CNDP1: variants seen among roughly 807,000 people sequenced by gnomAD.
CNDP1 encodes carnosine dipeptidase 1.
In CNDP1, 44 loss-of-function variants were observed where a neutral mutation model predicts 58.1. The ratio of observed to expected loss-of-function variants is 0.76; its 90% CI spans 0.60 to 0.97. The LOEUF (loss-of-function observed/expected upper bound fraction) is 0.97, where lower values mean the gene tolerates loss of function less well. Ranked by LOEUF, CNDP1 falls within the 50% of genes least tolerant of loss-of-function variation. The pLI, the probability that CNDP1 is intolerant of heterozygous loss-of-function variation, is 0.00. For synonymous variants in CNDP1, 254 were observed against 252.6 expected (o/e 1.01, Z -0.05); for missense variants, 616 against 655.1 (o/e 0.94, Z 0.65).
chr18:74,569,354 G>A (rs906521399), intron 6 of CNDP1, among the ~76,000 whole-genome samples: 3 of 152,176 alleles, frequency 2.0e-5, no homozygotes, highest in African/African-American at 7.2e-5. Context: ...AGCCCAACCT[G>A]TAGAAATTGG....
At chr18:74,569,856 T>G (rs1010813795) in intron 6 of CNDP1, among the ~76,000 whole-genome samples, 1 of 152,036 alleles carries the variant, frequency 6.6e-6, no homozygotes, top group African/African-American at 2.4e-5. Context: ...TGTTATAGAC[T>G]GAACATTCCA....
intron 1 of CNDP1, among the ~76,000 whole-genome samples, chr18:74,554,111 T>G (rs1980977113): frequency 6.6e-6 from 1 of 152,172 alleles, no homozygotes; most frequent in Admixed American, 6.5e-5. Context: ...CTCCTGACTA[T>G]TAGGCCTGTG....
chr18:74,559,837 G>A (rs905698536), intron 3 of CNDP1, among the ~76,000 whole-genome samples: 9 of 152,008 alleles, frequency 5.9e-5, no homozygotes, highest in African/African-American at 1.9e-4. Context: ...TCTCAAAGGG[G>A]TTGTATCTGG....
At position 74,586,209 on chromosome 18, in the gene CNDP1, G is replaced by A. The variant is rs1568302974; in HGVS notation, c.*1647G>A. On this transcript the variant is annotated 3_prime_UTR_variant, in exon 12 of 12. Coordinates refer to ENST00000358821, the MANE Select transcript of CNDP1 (RefSeq NM_032649.6). ...CAACCTAGTTGTGGGCATTTGTGAAGGATTCCAGTTAGTGTTTTCTTTGGA... is the reference window on the plus strand; with the variant it reads ...CAACCTAGTTGTGGGCATTTGTGAAAGATTCCAGTTAGTGTTTTCTTTGGA... 6.6e-6 allele frequency: 1 copy of A among 152,128 alleles called. No homozygotes were observed. Among genetic ancestry groups the A allele is most frequent in the Non-Finnish European group, 1.5e-5 (1 of 68,036 alleles). 9.4% of individuals were successfully genotyped at this position (152,128 alleles called of 1,614,324 possible). A position where few individuals can be genotyped will look rare whatever the true frequency, so the allele number is the denominator to read the frequency against.
At chr18:74,544,279 G>A (rs901977122) in intron 1 of CNDP1, among the ~76,000 whole-genome samples, 3 of 152,092 alleles carry the variant, frequency 2.0e-5, no homozygotes, top group African/African-American at 7.2e-5. Context: ...AAATAAATGT[G>A]CATTGGCATC....
At chr18:74,579,158 C>CCTCCCTCT (rs1279845696) in intron 9 of CNDP1, among the ~76,000 whole-genome samples, 4 of 149,184 alleles carry the variant, frequency 2.7e-5, no homozygotes, top group African/African-American at 7.5e-5. Flanking sequence ...TGCCCTCTCT[C>CCTCCCTCT]CTCCCTCTCT....
At chr18:74,537,181 T>G (rs1980506236) in intron 1 of CNDP1, among the ~76,000 whole-genome samples, 1 of 152,234 alleles carries the variant, frequency 6.6e-6, no homozygotes. Flanking sequence ...GCAATTGCTT[T>G]TGGTGTCTCT....
intron 7 of CNDP1, among the ~76,000 whole-genome samples, chr18:74,571,938 G>A (rs1281594637): frequency 6.6e-6 from 1 of 151,972 alleles, no homozygotes. Flanking sequence ...TTGTAAAGGG[G>A]CACAATCGTC....
At chr18:74,579,840 G>A (rs972737713) in intron 9 of CNDP1, among the ~76,000 whole-genome samples, 6 of 152,218 alleles carry the variant, frequency 3.9e-5, no homozygotes, top group Admixed American at 6.5e-5. Context: ...TGCTGTGGTT[G>A]GAAGGGGGTG....
At position 74,572,009 on chromosome 18, in the gene CNDP1, G is replaced by A. The variant is rs139870319; in HGVS notation, c.841+739G>A. On this transcript the variant is annotated intron_variant, in intron 7 of 11. Transcript: ENST00000358821. The stretch of plus-strand genomic sequence containing the variant: ...TGATGTGTGCAGAACGCTTGTCACG[G>A]TGGCTGGAATGCAGCATGTCCATCA... 4.8e-3 allele frequency among the ~76,000 whole-genome samples: 736 copies of A among 152,290 alleles called. 4 individuals carry two copies. Among genetic ancestry groups the A allele is most frequent in the Non-Finnish European group, 7.8e-3 (529 of 68,026 alleles).
intron 1 of CNDP1, among the ~76,000 whole-genome samples, chr18:74,541,669 C>G (rs1408626112): frequency 6.6e-6 from 1 of 152,210 alleles, no homozygotes; most frequent in Non-Finnish European, 1.5e-5. Context: ...AGCAGGGGAC[C>G]TGAGCCCTGA....
rs576217296 is a variant in CNDP1 at position 74,559,635 on chromosome 18, C to T, written c.303+163C>T. ...ACATTCCCCTGGTCTCAAATGAAGCCGTGTTATTGCTTTCCAGTCTTGTCA... is the reference window on the plus strand; with the variant it reads ...ACATTCCCCTGGTCTCAAATGAAGCTGTGTTATTGCTTTCCAGTCTTGTCA... On this transcript the variant is annotated intron_variant, in intron 3 of 11. Transcript: ENST00000358821. Among the ~76,000 whole-genome samples the T allele has an allele frequency of 5.9e-5, 9 of 152,264 alleles. No homozygotes were observed. In the South Asian group the frequency reaches 1.2e-3, roughly 21 times the overall value.
intron 1 of CNDP1, among the ~76,000 whole-genome samples, chr18:74,544,821 G>T (rs1012158222): frequency 2.0e-5 from 3 of 151,876 alleles, no homozygotes; most frequent in Non-Finnish European, 2.9e-5. Context: ...TGTCCACCTG[G>T]AACCTCAGAA....
chr18:74,534,992 A>G (rs535161001), intron 1 of CNDP1, among the ~76,000 whole-genome samples: 1 of 151,130 alleles, frequency 6.6e-6, no homozygotes, highest in Non-Finnish European at 1.5e-5. Context: ...TTTTTTCTGT[A>G]CTTTTTCTCT....
Position 74,534,539 on chromosome 18 carries a change from C to A in CNDP1, c.-129C>A. 2 of 939,470 alleles carry A rather than the reference C, an allele frequency of 2.1e-6. No individual in the cohort carries two copies. The highest frequency in any genetic ancestry group is 1.4e-5 in the South Asian group (1 of 69,042). 58.2% of individuals were successfully genotyped at this position (939,470 alleles called of 1,614,324 possible). ...CCACTATACCAGCCTCGTCTTCCTT[C>A]CGGGGGACAACGTGGGTCAGGGCAC... is the stretch of plus-strand genomic sequence containing the variant. On this transcript the variant is annotated 5_prime_UTR_variant, in exon 1 of 12. Coordinates refer to ENST00000358821, the MANE Select transcript of CNDP1 (RefSeq NM_032649.6).
At position 74,543,106 on chromosome 18, in the gene CNDP1, A is replaced by G. The variant is rs112069175; in HGVS notation, c.24+8415A>G. Among the ~76,000 whole-genome samples the G allele has an allele frequency of 6.5e-3, 984 of 152,390 alleles. 10 individuals carry two copies. The highest frequency in any genetic ancestry group is 0.02 in the African/African-American group (826 of 41,594). ...TGTTTAAAATGGATGCAAACGAAGTATGTTTAAATTCTTCAAGAGACAAAT... is the reference window on the plus strand; with the variant it reads ...TGTTTAAAATGGATGCAAACGAAGTGTGTTTAAATTCTTCAAGAGACAAAT... On this transcript the variant is annotated intron_variant, in intron 1 of 11. Coordinates refer to ENST00000358821, the MANE Select transcript of CNDP1 (RefSeq NM_032649.6).
At chr18:74,555,113 A>C (rs1173967197) in intron 1 of CNDP1, among the ~76,000 whole-genome samples, 2 of 152,172 alleles carry the variant, frequency 1.3e-5, no homozygotes, top group African/African-American at 4.8e-5. Flanking sequence ...GCATTTGAAG[A>C]ATCATAGATT....
Position 74,567,219 on chromosome 18 carries a change from C to A in CNDP1, c.556-14C>A. ...AGGCAACTTGTGCAATTTTTTTCTTCTGTTGTTACTTAGGATCTTCCTGTG... is the reference window on the plus strand; with the variant it reads ...AGGCAACTTGTGCAATTTTTTTCTTATGTTGTTACTTAGGATCTTCCTGTG... On this transcript the variant is annotated splice_polypyrimidine_tract_variant and intron_variant, in intron 5 of 11. Coordinates refer to ENST00000358821, the MANE Select transcript of CNDP1 (RefSeq NM_032649.6). 1 of 1,611,198 alleles carries A rather than the reference C, an allele frequency of 6.2e-7. No individual in the cohort carries two copies. The highest frequency in any genetic ancestry group is 8.5e-7 in the Non-Finnish European group (1 of 1,177,592).
At chr18:74,554,881 A>G (rs1467976604) in intron 1 of CNDP1, among the ~76,000 whole-genome samples, 2 of 152,214 alleles carry the variant, frequency 1.3e-5, no homozygotes, top group Non-Finnish European at 2.9e-5. Flanking sequence ...TGACAGAATG[A>G]AAAGTGAAAT....
Sources: gnomAD v4.1 joint callset for allele counts (sites outside exome capture counted in the v4.1 genomes callset) on GRCh38, gnomAD v4.1.1 for gene constraint, MANE v1.5 for transcripts, NCBI Gene and HGNC (gene_info 2026-07-23, HGNC 2026-07-21) for gene names.